DLG2: variants seen among roughly 807,000 people sequenced by gnomAD.
DLG2 encodes the protein discs large MAGUK scaffold protein 2, also known as disks large homolog 2.
Under a neutral mutation model 132.5 loss-of-function variants are expected in DLG2, and 45 were observed. The observed-to-expected ratio is 0.34, with a 90% CI of 0.27 to 0.44. The LOEUF is 0.44. Ranked by LOEUF, DLG2 falls within the 20% of genes least tolerant of loss-of-function variation. DLG2 has a pLI of 1.00. For synonymous variants in DLG2, 424 were observed against 419.6 expected (o/e 1.01, Z -0.13); for missense variants, 1,045 against 1,196.9 (o/e 0.87, Z 1.87).
chr11:84,998,150 A>G (rs569736694), intron 6 of DLG2, among the ~76,000 whole-genome samples: 4 of 151,818 alleles, frequency 2.6e-5, no homozygotes, highest in African/African-American at 9.7e-5. Context: ...TTTTGCACCA[A>G]CCTAATAGAT....
chr11:83,834,139 T>G (rs572537766), intron 16 of DLG2, among the ~76,000 whole-genome samples: 1 of 152,314 alleles, frequency 6.6e-6, no homozygotes, highest in East Asian at 1.9e-4. Flanking sequence ...GAGACTAAGG[T>G]TGAATGCCCA....
intron 6 of DLG2, among the ~76,000 whole-genome samples, chr11:85,014,040 G>A (rs995173165): frequency 3.3e-5 from 5 of 152,060 alleles, no homozygotes; most frequent in African/African-American, 9.7e-5. Flanking sequence ...TCAAAAGAGA[G>A]GACTCCAATA....
intron 6 of DLG2, among the ~76,000 whole-genome samples, chr11:84,673,356 T>C (rs2099707989): frequency 1.3e-5 from 2 of 152,160 alleles, no homozygotes; most frequent in South Asian, 2.1e-4. Context: ...GGTAGCATGG[T>C]GTAGATTAAG....
chr11:84,328,927 C>G (rs1357121127), intron 7 of DLG2, among the ~76,000 whole-genome samples: 3 of 152,130 alleles, frequency 2.0e-5, no homozygotes, highest in Non-Finnish European at 4.4e-5. Flanking sequence ...TATATGTTTA[C>G]TGAGTGCCTA....
Position 83,538,743 on chromosome 11 carries a change from C to T in DLG2, c.2117+2939G>A, listed in dbSNP as rs1314858263. ...ATTCACTCTCTGTCTGCTGCCGTTTCACTTTCCTGGCCTTTACAATATAGC... is the reference window on the plus strand; with the variant it reads ...ATTCACTCTCTGTCTGCTGCCGTTTTACTTTCCTGGCCTTTACAATATAGC... On this transcript the variant is annotated intron_variant, in intron 20 of 27. Coordinates refer to ENST00000376104, the MANE Select transcript of DLG2 (RefSeq NM_001142699.3). Among the ~76,000 whole-genome samples, 3 of 152,204 alleles carry T rather than the reference C, an allele frequency of 2.0e-5. No individual in the cohort carries two copies. The East Asian group carries it at 5.8e-4, about 29-fold the overall frequency.
intron 4 of DLG2, among the ~76,000 whole-genome samples, chr11:85,274,139 G>T (rs948059388): frequency 2.6e-5 from 4 of 152,092 alleles, no homozygotes; most frequent in Non-Finnish European, 4.4e-5. Context: ...AGCATTAAGA[G>T]ATATACCTAA....
chr11:83,664,109 C>T (rs543061588), intron 18 of DLG2, among the ~76,000 whole-genome samples: 9 of 152,256 alleles, frequency 5.9e-5, no homozygotes, highest in African/African-American at 1.9e-4. Flanking sequence ...AGACAGAAAG[C>T]ATCTAGTTCT....
rs1255125847 is a variant in DLG2 at position 83,459,161 on chromosome 11, T to TAGGCA, written c.*652_*656dup. 6.6e-6 allele frequency: 1 copy of TAGGCA among 152,624 alleles called. No homozygotes were observed. Among genetic ancestry groups the TAGGCA allele is most frequent in the Non-Finnish European group, 1.5e-5 (1 of 68,016 alleles). 9.5% of individuals were successfully genotyped at this position (152,624 alleles called of 1,614,324 possible). A position where few individuals can be genotyped will look rare whatever the true frequency, so the allele number is the denominator to read the frequency against. ...TTCTTTCAGTTTATAAATGGCAAAA[T>TAGGCA]AGGCAATCAACAATCATAAAGCTAA... On this transcript the variant is annotated 3_prime_UTR_variant, in exon 28 of 28. Coordinates refer to ENST00000376104, the MANE Select transcript of DLG2 (RefSeq NM_001142699.3).
intron 6 of DLG2, among the ~76,000 whole-genome samples, chr11:84,605,895 A>G (rs767336496): frequency 1.1e-4 from 16 of 152,030 alleles, no homozygotes; most frequent in Non-Finnish European, 2.1e-4. Flanking sequence ...TTACAACCCC[A>G]TCATTCAAGC....
At chr11:84,098,872 T>C (rs375516376) in intron 10 of DLG2, 51 bp downstream of exon 10, 123 of 1,590,966 alleles carry the variant, frequency 7.7e-5, no homozygotes, top group Non-Finnish European at 8.3e-5. Flanking sequence ...ATGTGTCTCA[T>C]TGATGCAGCA....
intron 2 of DLG2, among the ~76,000 whole-genome samples, chr11:85,610,657 C>A (rs1437835288): frequency 6.6e-6 from 1 of 152,226 alleles, no homozygotes; most frequent in Non-Finnish European, 1.5e-5. Flanking sequence ...AGTTTGGAAG[C>A]CTCATGCCAA....
At chr11:85,286,661 T>C (rs962889400) in intron 3 of DLG2, among the ~76,000 whole-genome samples, 1 of 152,086 alleles carries the variant, frequency 6.6e-6, no homozygotes, top group Non-Finnish European at 1.5e-5. Flanking sequence ...GAAATGAATA[T>C]GTATCTGGAC....
chr11:83,931,496 A>G (rs889343612), intron 14 of DLG2, among the ~76,000 whole-genome samples: 11 of 152,292 alleles, frequency 7.2e-5, no homozygotes, highest in African/African-American at 2.6e-4. Flanking sequence ...TAGTCCTTTT[A>G]CCTCAGTAGC....
At chr11:84,983,142 G>A (rs2056000317) in intron 6 of DLG2, among the ~76,000 whole-genome samples, 1 of 152,168 alleles carries the variant, frequency 6.6e-6, no homozygotes, top group Admixed American at 6.6e-5. Context: ...AGTGTGTGGA[G>A]GCTTGCATTG....
At chr11:85,547,357 T>A (rs2076400561) in intron 3 of DLG2, among the ~76,000 whole-genome samples, 1 of 152,238 alleles carries the variant, frequency 6.6e-6, no homozygotes, top group African/African-American at 2.4e-5. Context: ...CAGAGAGATC[T>A]ACTGTTAGTC....
At chr11:83,581,944 G>A (rs1443352954) in intron 19 of DLG2, among the ~76,000 whole-genome samples, 1 of 109,640 alleles carries the variant, frequency 9.1e-6, no homozygotes, top group Non-Finnish European at 1.8e-5. Flanking sequence ...TCTGAGTTTG[G>A]ACTCTTTTTT....
chr11:85,611,142 T>C (rs1172366591), intron 2 of DLG2, among the ~76,000 whole-genome samples: 3 of 152,176 alleles, frequency 2.0e-5, no homozygotes, highest in Non-Finnish European at 4.4e-5. Context: ...CCCCAACCAG[T>C]GGCATACCTA....
intron 7 of DLG2, among the ~76,000 whole-genome samples, chr11:84,253,082 T>C (rs1260889778): frequency 6.6e-6 from 1 of 152,196 alleles, no homozygotes; most frequent in Non-Finnish European, 1.5e-5. Flanking sequence ...GATCAACTAG[T>C]TAGTCATAAT....
At chr11:84,875,800 C>T (rs115775325) in intron 6 of DLG2, among the ~76,000 whole-genome samples, 1,846 of 152,096 alleles carry the variant, frequency 0.012, 39 homozygotes, top group African/African-American at 0.041. Flanking sequence ...ACAGTGGTGG[C>T]GATCTCAGCT....
Sources: allele counts gnomAD v4.1 joint callset (sites outside exome capture counted in the v4.1 genomes callset), GRCh38; gene constraint gnomAD v4.1.1; transcripts MANE v1.5; gene names NCBI Gene and HGNC (gene_info 2026-07-23, HGNC 2026-07-21).